The following CHODL variants were observed in gnomAD, a reference collection of about 807,000 sequenced individuals.
The protein encoded by CHODL is chondrolectin.
CHODL carries 29 observed loss-of-function variants against 34.5 expected under a neutral mutation model. The ratio of observed to expected loss-of-function variants is 0.84; its 90% CI spans 0.63 to 1.15. The LOEUF is 1.15. Among genes scored for constraint, CHODL ranks in the 50% most tolerant of loss-of-function variants. CHODL has a pLI of 0.00. For synonymous variants in CHODL, 125 were observed against 116.1 expected, an observed-to-expected ratio of 1.08 and a Z score of -0.49; for missense variants, 332 against 332.5, an observed-to-expected ratio of 1.00 and a Z score of 0.01.
intron 1 of CHODL, among the ~76,000 whole-genome samples, chr21:18,008,363 C>T (rs1008662470): frequency 6.6e-5 from 10 of 151,338 alleles, no homozygotes; most frequent in African/African-American, 1.9e-4. Context: ...TTAAATCTAC[C>T]CTCTTAACAT....
At chr21:18,093,787 C>A (rs1241436047) in intron 2 of CHODL, among the ~76,000 whole-genome samples, 1 of 151,858 alleles carries the variant, frequency 6.6e-6, no homozygotes, top group Non-Finnish European at 1.5e-5. Context: ...GAGAAAATCA[C>A]CTTCACTAAA....
chr21:18,180,222 G>A (rs540185283), intron 2 of CHODL, among the ~76,000 whole-genome samples: 142 of 152,080 alleles, frequency 9.3e-4, no homozygotes, highest in Admixed American at 1.8e-3. Context: ...GCATAATTAC[G>A]GATCACTGCA....
chr21:18,191,507 A>T (rs1427330083), intron 2 of CHODL, among the ~76,000 whole-genome samples: 1 of 152,218 alleles, frequency 6.6e-6, no homozygotes, highest in Non-Finnish European at 1.5e-5. Context: ...GATGTGAGGT[A>T]ATATGTCATT....
At chr21:18,020,197 TCAGA>T (rs1391938902) in intron 1 of CHODL, among the ~76,000 whole-genome samples, 4 of 152,170 alleles carry the variant, frequency 2.6e-5, no homozygotes, top group Non-Finnish European at 4.4e-5. Flanking sequence ...TTTAGTTGGC[TCAGA>T]CAATTACTCA....
chr21:18,155,895 T>G (rs1161438308), intron 2 of CHODL, among the ~76,000 whole-genome samples: 1 of 152,174 alleles, frequency 6.6e-6, no homozygotes, highest in Non-Finnish European at 1.5e-5. Flanking sequence ...AGTAAATAGC[T>G]TTAAAGTCTC....
chr21:18,256,960 C>A lies in CHODL; in HGVS notation c.390-10C>A. On this transcript the variant is annotated splice_polypyrimidine_tract_variant and intron_variant, in intron 2 of 5. Transcript: ENST00000299295. ...TGTATCTGAGTGTTCCTATTACTCT[C>A]TGTTTGCAGAAACTGGTACACAGAT... 6.2e-7 allele frequency: 1 copy of A among 1,609,894 alleles called. No homozygotes were observed. Among genetic ancestry groups the A allele is most frequent in the Non-Finnish European group, 8.5e-7 (1 of 1,178,120 alleles).
intron 1 of CHODL, among the ~76,000 whole-genome samples, chr21:17,950,102 A>G (rs552581405): frequency 6.6e-6 from 1 of 152,314 alleles, no homozygotes; most frequent in African/African-American, 2.4e-5. Context: ...TCTTTGCCAC[A>G]ATAATTTTAA....
intron 2 of CHODL, among the ~76,000 whole-genome samples, chr21:18,028,190 A>C (rs2064197320): frequency 1.3e-5 from 2 of 151,228 alleles, no homozygotes; most frequent in African/African-American, 2.4e-5. Flanking sequence ...ACAGCACCTT[A>C]TTATTTCCTT....
chr21:18,049,515 A>G (rs1001621505), intron 2 of CHODL, among the ~76,000 whole-genome samples: 1 of 151,970 alleles, frequency 6.6e-6, no homozygotes, highest in African/African-American at 2.4e-5. Context: ...TGCTAGGGTT[A>G]CCATAACAAA....
intron 2 of CHODL, among the ~76,000 whole-genome samples, chr21:18,159,501 G>A (rs1376902490): frequency 2.6e-5 from 4 of 151,924 alleles, no homozygotes; most frequent in Admixed American, 6.6e-5. Context: ...TTTGTTATAC[G>A]AACTCATGAC....
intron 2 of CHODL, among the ~76,000 whole-genome samples, chr21:18,049,112 T>C (rs2064481499): frequency 6.6e-6 from 1 of 151,988 alleles, no homozygotes; most frequent in South Asian, 2.1e-4. Flanking sequence ...GTGTATTCAA[T>C]ATAAACAGAC....
intron 2 of CHODL, among the ~76,000 whole-genome samples, chr21:18,163,980 G>T (rs2073125919): frequency 6.6e-6 from 1 of 152,124 alleles, no homozygotes; most frequent in Non-Finnish European, 1.5e-5. Flanking sequence ...TAGATTAAAG[G>T]CTTACAAAAG....
intron 1 of CHODL, among the ~76,000 whole-genome samples, chr21:17,931,806 A>G (rs112761858): frequency 5.9e-5 from 9 of 152,312 alleles, no homozygotes; most frequent in South Asian, 4.1e-4. Context: ...AATTAACTCA[A>G]TGTGAGTTAA....
At chr21:18,011,193 A>G (rs978102537) in intron 1 of CHODL, among the ~76,000 whole-genome samples, 1 of 152,198 alleles carries the variant, frequency 6.6e-6, no homozygotes, top group African/African-American at 2.4e-5. Context: ...CAAATATTTA[A>G]TGTTTGTATT....
rs573906753 is a variant in CHODL, at chr21:18,146,221, C to A, written c.-44-110288C>A. On this transcript the variant is annotated intron_variant, in intron 2 of 6. Coordinates refer to the CHODL transcript ENST00000400127. ...CTCAATCTCCTGACATCGTTATCCGCCCACCTCGGCCTCCCAAAGTGCTGG... is the reference window on the plus strand; with the variant it reads ...CTCAATCTCCTGACATCGTTATCCGACCACCTCGGCCTCCCAAAGTGCTGG... Among the ~76,000 whole-genome samples, 19 of 151,884 alleles carry A rather than the reference C, an allele frequency of 1.3e-4. No homozygotes were observed. In the East Asian group the frequency reaches 3.5e-3, roughly 28 times the overall value.
chr21:17,973,850 T>A (rs1474612702), intron 1 of CHODL, among the ~76,000 whole-genome samples: 1 of 151,748 alleles, frequency 6.6e-6, no homozygotes, highest in Non-Finnish European at 1.5e-5. Context: ...TAGGAATTAG[T>A]AACACTATTC....
At chr21:18,219,432 A>G (rs776491309) in intron 2 of CHODL, among the ~76,000 whole-genome samples, 12 of 152,094 alleles carry the variant, frequency 7.9e-5, no homozygotes, top group Admixed American at 2.0e-4. Context: ...CCCAAGACAC[A>G]TGGATATTAT....
At chr21:18,013,633 TGC>T (rs1447378164) in intron 1 of CHODL, among the ~76,000 whole-genome samples, 14 of 117,668 alleles carry the variant, frequency 1.2e-4, no homozygotes, top group African/African-American at 2.2e-4. Context: ...CTGCTGCTGC[TGC>T]TTTTTTTTTT....
chr21:17,940,513 T>G (rs2063354117), intron 1 of CHODL, among the ~76,000 whole-genome samples: 1 of 152,208 alleles, frequency 6.6e-6, no homozygotes, highest in Admixed American at 6.5e-5. Flanking sequence ...GATTATATAG[T>G]GGTAGACTTT....
Sources: gnomAD v4.1 joint callset for allele counts (sites outside exome capture counted in the v4.1 genomes callset) on GRCh38, gnomAD v4.1.1 for gene constraint, MANE v1.5 for transcripts, NCBI Gene and HGNC (gene_info 2026-07-23, HGNC 2026-07-21) for gene names.